RANBP2: variants seen among roughly 807,000 people sequenced by gnomAD.
RANBP2 encodes E3 SUMO-protein ligase RanBP2.
Under a neutral mutation model 303.6 loss-of-function variants are expected in RANBP2, and 57 were observed. The ratio of observed to expected loss-of-function variants is 0.19; its 90% CI spans 0.15 to 0.23. The LOEUF is 0.23. Among genes scored for constraint, RANBP2 ranks in the 10% least tolerant of loss-of-function variants. The pLI is 1.00. For synonymous variants in RANBP2, 1,167 were observed against 1,301.5 expected, an observed-to-expected ratio of 0.90 and a Z score of 2.23; for missense variants, 3,138 against 3,780.8, an observed-to-expected ratio of 0.83 and a Z score of 4.46.
the RANBP2 span, among the ~76,000 whole-genome samples, chr2:109,330,338 C>T: frequency 1.3e-5 from 2 of 152,192 alleles, no homozygotes; most frequent in Non-Finnish European, 2.9e-5. Flanking sequence ...TTGTGCCTAT[C>T]TCTCTCCGTC....
the RANBP2 span, among the ~76,000 whole-genome samples, chr2:109,453,869 T>C: frequency 3.9e-5 from 6 of 152,118 alleles, no homozygotes; most frequent in Non-Finnish European, 7.4e-5. Flanking sequence ...GGAGGATCCT[T>C]GGCTGAGGGT....
the RANBP2 span, among the ~76,000 whole-genome samples, chr2:109,234,542 G>T: frequency 6.6e-6 from 1 of 152,218 alleles, no homozygotes; most frequent in African/African-American, 2.4e-5. Context: ...TATTGGTCAG[G>T]ATAGGCTCTG....
At chr2:109,200,298 A>G in the RANBP2 span, among the ~76,000 whole-genome samples, 6 of 152,174 alleles carry the variant, frequency 3.9e-5, no homozygotes, top group African/African-American at 1.4e-4. Flanking sequence ...CTGTTTGCTC[A>G]GAGGCCTTCC....
the RANBP2 span, among the ~76,000 whole-genome samples, chr2:108,950,711 A>C: frequency 6.6e-6 from 1 of 152,152 alleles, no homozygotes; most frequent in Admixed American, 6.5e-5. Flanking sequence ...TGCTCCCTTC[A>C]TGAGTCCAGT....
chr2:108,846,656 A>G, the RANBP2 span: 1 of 1,257,618 alleles, frequency 8.0e-7, no homozygotes, highest in Non-Finnish European at 1.1e-6. Context: ...CAACCTGGGC[A>G]ACAGAGCAAG....
At chr2:108,950,672 G>T in the RANBP2 span, among the ~76,000 whole-genome samples, 7 of 152,210 alleles carry the variant, frequency 4.6e-5, no homozygotes, top group Non-Finnish European at 7.3e-5. Flanking sequence ...TGTTGGAGCT[G>T]CCCTCAGCCT....
At chr2:109,312,061 A>C in the RANBP2 span, among the ~76,000 whole-genome samples, 9 of 152,310 alleles carry the variant, frequency 5.9e-5, no homozygotes, top group African/African-American at 1.9e-4. Context: ...GCCATAGACT[A>C]GGGGAACCTT....
the RANBP2 span, among the ~76,000 whole-genome samples, chr2:109,322,548 A>G: frequency 3.3e-5 from 5 of 152,234 alleles, no homozygotes; most frequent in Non-Finnish European, 7.3e-5. Context: ...GTGCTGTGTA[A>G]TAGTGTGCAC....
chr2:108,842,525 G>C, the RANBP2 span, among the ~76,000 whole-genome samples: 1,182 of 152,100 alleles, frequency 7.8e-3, 22 homozygotes, highest in African/African-American at 0.026. Context: ...TGTTTTGTTT[G>C]TTGAGTTTAA....
chr2:109,170,738 T>C, the RANBP2 span, among the ~76,000 whole-genome samples: 1 of 152,222 alleles, frequency 6.6e-6, no homozygotes, highest in African/African-American at 2.4e-5. Context: ...GCATTGACCA[T>C]GTGCCAGGCA....
the RANBP2 span, among the ~76,000 whole-genome samples, chr2:109,303,020 G>A: frequency 6.6e-5 from 10 of 152,236 alleles, no homozygotes; most frequent in Admixed American, 4.6e-4. Flanking sequence ...GGGATTACAG[G>A]CATGCACCAC....
At chr2:109,603,362 G>A in the RANBP2 span, among the ~76,000 whole-genome samples, 12 of 151,942 alleles carry the variant, frequency 7.9e-5, no homozygotes, top group African/African-American at 2.9e-4. Context: ...AGCCTCCCCA[G>A]CAGCTGGGAC....
At chr2:109,667,600 C>T in the RANBP2 span, among the ~76,000 whole-genome samples, 2 of 152,076 alleles carry the variant, frequency 1.3e-5, no homozygotes, top group African/African-American at 4.8e-5. Context: ...TAAATGTGCT[C>T]ACACCTGTAT....
chr2:109,704,710 G>A, the RANBP2 span, among the ~76,000 whole-genome samples: 1 of 152,050 alleles, frequency 6.6e-6, no homozygotes, highest in Non-Finnish European at 1.5e-5. Flanking sequence ...AATTAGCTGG[G>A]CGTGGTGGCA....
chr2:109,130,129 G>C, the RANBP2 span: 5 of 1,286,836 alleles, frequency 3.9e-6, no homozygotes, highest in Non-Finnish European at 2.0e-6. Context: ...TATCTGTCTC[G>C]GCGGAAGTGG....
the RANBP2 span, among the ~76,000 whole-genome samples, chr2:109,748,845 C>T: frequency 2.2e-5 from 3 of 139,106 alleles, no homozygotes; most frequent in African/African-American, 7.9e-5. Context: ...TGCATTCTGG[C>T]CTGGGTGACA....
chr2:109,582,861 A>G, the RANBP2 span, among the ~76,000 whole-genome samples: 1 of 152,210 alleles, frequency 6.6e-6, no homozygotes, highest in Non-Finnish European at 1.5e-5. Flanking sequence ...CAGAGAACCT[A>G]GAAATAAAGC....
chr2:109,005,912 A>G, the RANBP2 span, among the ~76,000 whole-genome samples: 43 of 152,286 alleles, frequency 2.8e-4, no homozygotes, highest in East Asian at 8.3e-3. Flanking sequence ...CCTTTATCCA[A>G]TTCCCAGGGC....
At chr2:108,939,921 T>C in the RANBP2 span, among the ~76,000 whole-genome samples, 1 of 152,188 alleles carries the variant, frequency 6.6e-6, no homozygotes, top group Admixed American at 6.5e-5. Context: ...ATTTGTGGTG[T>C]GATGGAGACG....
Sources: gnomAD v4.1 joint callset for allele counts (sites outside exome capture counted in the v4.1 genomes callset) on GRCh38, gnomAD v4.1.1 for gene constraint, MANE v1.5 for transcripts, NCBI Gene and HGNC (gene_info 2026-07-23, HGNC 2026-07-21) for gene names.